IMMP2L: variants seen among roughly 807,000 people sequenced by gnomAD.
The protein encoded by IMMP2L is mitochondrial inner membrane protease subunit 2.
A neutral mutation model predicts 19.3 loss-of-function variants in IMMP2L; 18 were observed. The observed-to-expected ratio is 0.93, with a 90% CI of 0.64 to 1.38. The LOEUF is 1.38. Among genes scored for constraint, IMMP2L ranks in the 40% most tolerant of loss-of-function variants. The pLI is 0.00. For synonymous variants in IMMP2L, 76 were observed against 73.0 expected (o/e 1.04, Z -0.21); for missense variants, 233 against 218.2 (o/e 1.07, Z -0.43).
chr7:111,407,925 T>C (rs1834036494), intron 3 of IMMP2L, among the ~76,000 whole-genome samples: 1 of 152,042 alleles, frequency 6.6e-6, no homozygotes, highest in African/African-American at 2.4e-5. Flanking sequence ...GTTCAAGAAT[T>C]GTTCTGAGTG....
intron 3 of IMMP2L, among the ~76,000 whole-genome samples, chr7:111,090,162 A>G (rs1796709322): frequency 1.3e-5 from 2 of 151,678 alleles, no homozygotes; most frequent in Admixed American, 1.3e-4. Context: ...CTGCTTTTTG[A>G]TTTTTCATGT....
intron 3 of IMMP2L, among the ~76,000 whole-genome samples, chr7:111,233,136 C>T (rs550696930): frequency 1.3e-5 from 2 of 152,220 alleles, no homozygotes; most frequent in South Asian, 4.1e-4. Flanking sequence ...TGAATGTACA[C>T]TTTATCCAAT....
chr7:111,518,053 T>C (rs370368755), intron 2 of IMMP2L, among the ~76,000 whole-genome samples: 8 of 152,310 alleles, frequency 5.3e-5, no homozygotes, highest in Non-Finnish European at 8.8e-5. Flanking sequence ...TTTTTATTTA[T>C]GGCTTGCCTT....
At chr7:111,556,035 T>TATATATATATATATATATATATACAC (rs1554550178) in intron 1 of IMMP2L, among the ~76,000 whole-genome samples, 24 of 135,698 alleles carry the variant, frequency 1.8e-4, no homozygotes, top group African/African-American at 6.3e-4. Context: ...TATATATATA[T>TATATATATATATATATATATATACAC]ACATACCCAA....
chr7:111,303,655 C>T (rs943340490), intron 3 of IMMP2L, among the ~76,000 whole-genome samples: 1 of 151,998 alleles, frequency 6.6e-6, no homozygotes, highest in African/African-American at 2.4e-5. Context: ...ATGGCAAAAA[C>T]AAGGCAATTT....
At chr7:111,207,400 T>C (rs1017690184) in intron 3 of IMMP2L, among the ~76,000 whole-genome samples, 5 of 152,220 alleles carry the variant, frequency 3.3e-5, no homozygotes, top group African/African-American at 1.2e-4. Flanking sequence ...GTCATTATTA[T>C]GCTGACTTCT....
intron 3 of IMMP2L, among the ~76,000 whole-genome samples, chr7:111,105,774 T>C (rs537492563): frequency 2.0e-5 from 3 of 151,812 alleles, no homozygotes; most frequent in Non-Finnish European, 4.4e-5. Context: ...AAAAAATCCA[T>C]AAAAATATAA....
At chr7:111,537,525 CACTTT>C (rs1847995751) in intron 1 of IMMP2L, among the ~76,000 whole-genome samples, 1 of 134,614 alleles carries the variant, frequency 7.4e-6, no homozygotes, top group Non-Finnish European at 1.6e-5. Flanking sequence ...TCATCACTTC[CACTTT>C]TTTTTTTTTT....
rs954591878 is a variant in IMMP2L at position 111,123,873 on chromosome 7, T to A, written c.240-160308A>T. 1.9e-6 allele frequency: 3 copies of A among 1,613,844 alleles called. No homozygotes were observed. The Admixed American group carries it at 5.0e-5, about 27-fold the overall frequency. On this transcript the variant is annotated intron_variant, in intron 3 of 5. Transcript: ENST00000405709. The surrounding 1 kb of genome is among the most constrained non-coding windows in gnomAD (Gnocchi z 6.4). ...ACCTCAAGGAAATCAGCATACACAG[T>A]AACCCCATCAGGTGTGACTGTGTCA...
intron 5 of IMMP2L, among the ~76,000 whole-genome samples, chr7:110,831,966 T>C (rs1804009690): frequency 6.6e-6 from 1 of 152,190 alleles, no homozygotes; most frequent in African/African-American, 2.4e-5. Context: ...GATTTGACTT[T>C]AAAACCACTC....
intron 4 of IMMP2L, among the ~76,000 whole-genome samples, chr7:110,892,615 C>T (rs1810920467): frequency 6.6e-6 from 1 of 151,942 alleles, no homozygotes; most frequent in African/African-American, 2.4e-5. Flanking sequence ...AAATAACAAG[C>T]AAAAATCAAA....
At chr7:110,808,562 T>C (rs1801796403) in intron 5 of IMMP2L, among the ~76,000 whole-genome samples, 1 of 152,088 alleles carries the variant, frequency 6.6e-6, no homozygotes, top group African/African-American at 2.4e-5. Context: ...CAGGGGGCAT[T>C]TGGCTTCTCT....
chr7:110,953,672 G>C (rs1291862703), intron 4 of IMMP2L, among the ~76,000 whole-genome samples: 1 of 152,008 alleles, frequency 6.6e-6, no homozygotes, highest in African/African-American at 2.4e-5. Context: ...ATAATCCTTT[G>C]GGTATATACC....
chr7:110,752,594 T>C (rs1797789434), intron 5 of IMMP2L, among the ~76,000 whole-genome samples: 1 of 152,014 alleles, frequency 6.6e-6, no homozygotes, highest in Admixed American at 6.6e-5. Flanking sequence ...TGGCCCTCCA[T>C]TACTACGGCA....
intron 3 of IMMP2L, chr7:111,411,886 C>T: frequency 5.1e-6 from 1 of 195,744 alleles, no homozygotes. Context: ...TCAAATAGAC[C>T]CATGTACAAT....
chr7:110,666,818 C>T (rs1289793956), intron 5 of IMMP2L, among the ~76,000 whole-genome samples: 1 of 152,196 alleles, frequency 6.6e-6, no homozygotes, highest in Non-Finnish European at 1.5e-5. Context: ...GACTACACTA[C>T]AACCATTACC....
intron 5 of IMMP2L, among the ~76,000 whole-genome samples, chr7:110,819,120 TA>T (rs893519274): frequency 1.4e-4 from 21 of 150,160 alleles, no homozygotes; most frequent in African/African-American, 4.9e-4. Context: ...AATAACAAAA[TA>T]AAAAAAAGAA....
intron 5 of IMMP2L, among the ~76,000 whole-genome samples, chr7:110,800,099 A>G (rs1584869442): frequency 1.3e-5 from 2 of 152,220 alleles, no homozygotes; most frequent in South Asian, 4.1e-4. Flanking sequence ...GAATTCATGC[A>G]CTTGAAAGAA....
chr7:111,525,281 G>A (rs1051505898), intron 1 of IMMP2L, among the ~76,000 whole-genome samples: 3 of 152,080 alleles, frequency 2.0e-5, no homozygotes, highest in East Asian at 3.9e-4. Flanking sequence ...GCCATGTTGT[G>A]ATGGACAACT....
Sources: allele counts gnomAD v4.1 joint callset (sites outside exome capture counted in the v4.1 genomes callset), GRCh38; gene constraint gnomAD v4.1.1; non-coding constraint Gnocchi (gnomAD v3.1); transcripts MANE v1.5; gene names NCBI Gene and HGNC (gene_info 2026-07-23, HGNC 2026-07-21).